CPVL: variants seen among roughly 807,000 people sequenced by gnomAD.
CPVL encodes carboxypeptidase vitellogenic like, also known as probable serine carboxypeptidase CPVL.
Under a neutral mutation model 63.7 loss-of-function variants are expected in CPVL, and 51 were observed. The ratio of observed to expected loss-of-function variants is 0.80; its 90% CI spans 0.64 to 1.01. The LOEUF (loss-of-function observed/expected upper bound fraction) is 1.01, where lower values mean the gene tolerates loss of function less well. Ranked by LOEUF, CPVL falls within the 50% of genes least tolerant of loss-of-function variation. The probability of loss-of-function intolerance (pLI) is 0.00; values close to 1 mark genes in which losing one functional copy is unlikely to be tolerated. For synonymous variants in CPVL, 195 were observed against 206.0 expected (o/e 0.95, Z 0.46); for missense variants, 530 against 573.1 (o/e 0.92, Z 0.77).
At chr7:29,162,432 C>A (rs1260477949) in intron 5 of CPVL, among the ~76,000 whole-genome samples, 2 of 152,080 alleles carry the variant, frequency 1.3e-5, no homozygotes, top group African/African-American at 2.4e-5. Flanking sequence ...GAGGCCAAAG[C>A]GGGCAGATCA....
At chr7:29,114,562 C>T (rs1371603813) in intron 2 of CPVL, among the ~76,000 whole-genome samples, 1 of 151,714 alleles carries the variant, frequency 6.6e-6, no homozygotes, top group African/African-American at 2.4e-5. Flanking sequence ...CCCAGGAGGT[C>T]AAGGCTGCAG....
chr7:29,138,401 C>T (rs779845319), intron 1 of CPVL, among the ~76,000 whole-genome samples: 1 of 152,206 alleles, frequency 6.6e-6, no homozygotes, highest in Non-Finnish European at 1.5e-5. Context: ...GACCACGCTG[C>T]TGCACTCCAG....
At chr7:29,112,109 C>T (rs189842908) in intron 3 of CPVL, among the ~76,000 whole-genome samples, 1 of 152,296 alleles carries the variant, frequency 6.6e-6, no homozygotes, top group Non-Finnish European at 1.5e-5. Context: ...AAAGTGATGG[C>T]CTTTCCTGCC....
chr7:29,018,596 C>T (rs1786649334), intron 12 of CPVL, among the ~76,000 whole-genome samples: 1 of 152,040 alleles, frequency 6.6e-6, no homozygotes, highest in Non-Finnish European at 1.5e-5. Context: ...CCAGGCTGGT[C>T]TCGAACTCCT....
chr7:29,174,135 C>A (rs905970095), intron 5 of CPVL, among the ~76,000 whole-genome samples: 5 of 151,954 alleles, frequency 3.3e-5, no homozygotes, highest in Non-Finnish European at 7.4e-5. Context: ...TGGAGAGACC[C>A]CCCCGTTTGG....
chr7:29,065,178 C>T (rs1783028531), intron 10 of CPVL, among the ~76,000 whole-genome samples: 1 of 151,882 alleles, frequency 6.6e-6, no homozygotes, highest in African/African-American at 2.4e-5. Flanking sequence ...AGTTTGACAA[C>T]TTTGTGCTTC....
At chr7:29,026,554 G>A (rs1023026597) in intron 12 of CPVL, among the ~76,000 whole-genome samples, 1 of 151,800 alleles carries the variant, frequency 6.6e-6, no homozygotes, top group South Asian at 2.1e-4. Flanking sequence ...AAAAAAGCCT[G>A]TTTTTAAAAA....
intron 1 of CPVL, among the ~76,000 whole-genome samples, chr7:29,137,199 G>A (rs1483450835): frequency 6.6e-6 from 1 of 152,214 alleles, no homozygotes; most frequent in Non-Finnish European, 1.5e-5. Context: ...CACAAGGAGT[G>A]AGTTTAGGAG....
chr7:29,188,422 C>T (rs1480850530), intron 1 of CPVL, among the ~76,000 whole-genome samples: 1 of 152,122 alleles, frequency 6.6e-6, no homozygotes, highest in African/African-American at 2.4e-5. Context: ...GTTTTACAGA[C>T]AATCTGGAAT....
At chr7:29,134,144 G>C (rs1268216402) in intron 1 of CPVL, among the ~76,000 whole-genome samples, 1 of 152,186 alleles carries the variant, frequency 6.6e-6, no homozygotes, top group Non-Finnish European at 1.5e-5. Flanking sequence ...ACAGACCCCA[G>C]CCCCTTGAAC....
chr7:29,110,219 G>A (rs142704426), intron 3 of CPVL, among the ~76,000 whole-genome samples: 23 of 152,326 alleles, frequency 1.5e-4, no homozygotes. Context: ...CAGCTAGAGT[G>A]GGGGAGGAGG....
chr7:29,072,166 T>C, intron 8 of CPVL, 135 bp downstream of exon 8: 5 of 1,039,024 alleles, frequency 4.8e-6, no homozygotes, highest in East Asian at 5.0e-5. Flanking sequence ...TGGTAAAAAT[T>C]AGGAGATTTA....
intron 12 of CPVL, among the ~76,000 whole-genome samples, chr7:29,029,969 T>A (rs317749): frequency 6.6e-6 from 1 of 152,076 alleles, no homozygotes; most frequent in Non-Finnish European, 1.5e-5. Context: ...CAAACAAATC[T>A]CCAAGCCCAG....
intron 5 of CPVL, among the ~76,000 whole-genome samples, chr7:29,167,575 C>A (rs1226610708): frequency 6.6e-6 from 1 of 152,140 alleles, no homozygotes; most frequent in Non-Finnish European, 1.5e-5. Flanking sequence ...TTCAACTTTG[C>A]TAAATAACAC....
chr7:29,008,246 T>C (rs997305727), intron 12 of CPVL, among the ~76,000 whole-genome samples: 2 of 152,120 alleles, frequency 1.3e-5, no homozygotes, highest in Admixed American at 6.5e-5. Flanking sequence ...AGAGTTAAGG[T>C]TGGGAAAGGA....
chr7:29,114,575 A>T (rs1788579859), intron 2 of CPVL, among the ~76,000 whole-genome samples: 1 of 151,928 alleles, frequency 6.6e-6, no homozygotes, highest in Non-Finnish European at 1.5e-5. Flanking sequence ...GGCTGCAGTG[A>T]GCCATGATCA....
At chr7:29,041,155 AGGGTCTT>A (rs1330655717) in intron 11 of CPVL, among the ~76,000 whole-genome samples, 1 of 130,916 alleles carries the variant, frequency 7.6e-6, no homozygotes, top group Non-Finnish European at 1.6e-5. Flanking sequence ...TTTTTGAGAC[AGGGTCTT>A]GCTCTGTCAC....
intron 3 of CPVL, among the ~76,000 whole-genome samples, chr7:29,107,825 G>C (rs563683409): frequency 6.6e-6 from 1 of 152,340 alleles, no homozygotes; most frequent in East Asian, 1.9e-4. Flanking sequence ...CAGATGTGCA[G>C]ATGAGGGAGT....
intron 5 of CPVL, among the ~76,000 whole-genome samples, chr7:29,154,011 G>C (rs1199948581): frequency 6.6e-6 from 1 of 152,192 alleles, no homozygotes; most frequent in Non-Finnish European, 1.5e-5. Context: ...GCTATTAGTA[G>C]TTAAGTTTTG....
Sources: allele counts gnomAD v4.1 joint callset (sites outside exome capture counted in the v4.1 genomes callset), GRCh38; gene constraint gnomAD v4.1.1; transcripts MANE v1.5; gene names NCBI Gene and HGNC (gene_info 2026-07-23, HGNC 2026-07-21).